SAMD12: variants seen among roughly 807,000 people sequenced by gnomAD.
SAMD12 encodes sterile alpha motif domain containing 12.
SAMD12 carries 9 observed loss-of-function variants against 15.0 expected under a neutral mutation model. That is an observed-to-expected ratio of 0.60 (90% CI 0.36 to 1.05). The LOEUF is 1.05. Ranked by LOEUF, SAMD12 falls within the 50% of genes least tolerant of loss-of-function variation. SAMD12 has a pLI of 0.01. For missense variants in SAMD12, 230 were observed against 234.2 expected (o/e 0.98, Z 0.12); for synonymous variants, 86 against 90.1 (o/e 0.96, Z 0.25).
At chr8:118,461,130 C>G (rs1823408807) in intron 2 of SAMD12, among the ~76,000 whole-genome samples, 1 of 152,180 alleles carries the variant, frequency 6.6e-6, no homozygotes, top group Non-Finnish European at 1.5e-5. Flanking sequence ...TTCTTGGTAA[C>G]ATTCTCCAAT....
intron 4 of SAMD12, among the ~76,000 whole-genome samples, chr8:118,222,651 G>A (rs1218254833): frequency 3.3e-5 from 5 of 152,072 alleles, no homozygotes; most frequent in African/African-American, 1.2e-4. Context: ...GATTACAGGT[G>A]TGTGCCATCA....
intron 2 of SAMD12, among the ~76,000 whole-genome samples, chr8:118,542,284 C>A (rs550653934): frequency 6.6e-6 from 1 of 152,152 alleles, no homozygotes; most frequent in South Asian, 2.1e-4. Flanking sequence ...ATAACTAGAT[C>A]CTCTTATTCT....
chr8:118,551,789 T>C (rs1731883382), intron 2 of SAMD12, among the ~76,000 whole-genome samples: 1 of 149,352 alleles, frequency 6.7e-6, no homozygotes, highest in African/African-American at 2.5e-5. Context: ...GCAAGACTAA[T>C]AAAGAAAAAA....
intron 4 of SAMD12, among the ~76,000 whole-genome samples, chr8:118,302,224 T>C (rs1815084397): frequency 6.6e-6 from 1 of 152,036 alleles, no homozygotes; most frequent in African/African-American, 2.4e-5. Context: ...CCCCCTCACC[T>C]TCAGTTGTTC....
intron 3 of SAMD12, among the ~76,000 whole-genome samples, chr8:118,411,686 C>G (rs1489047035): frequency 2.0e-5 from 3 of 152,106 alleles, no homozygotes; most frequent in Non-Finnish European, 4.4e-5. Context: ...GGAAAATCCA[C>G]TAAGTTTTAA....
intron 4 of SAMD12, among the ~76,000 whole-genome samples, chr8:118,292,497 A>AT (rs1394116699): frequency 6.6e-6 from 1 of 152,082 alleles, no homozygotes; most frequent in Admixed American, 6.6e-5. Context: ...TTTAGTCTTC[A>AT]TTCCATTATC....
At chr8:118,196,094 C>T (rs1189357342) in exon 5 of SAMD12, 3 of 152,266 alleles carry the variant, frequency 2.0e-5, no homozygotes, top group Non-Finnish European at 1.5e-5. Context: ...AGTCATCCTG[C>T]TGCTGACTCA....
exon 5 of SAMD12, chr8:118,190,909 T>G (rs542370356): frequency 1.3e-5 from 2 of 152,288 alleles, no homozygotes; most frequent in East Asian, 3.9e-4. Flanking sequence ...TAAGAATAAC[T>G]CAAGTATATA....
At chr8:118,235,596 A>G (rs113574069) in intron 4 of SAMD12, among the ~76,000 whole-genome samples, 1 of 152,176 alleles carries the variant, frequency 6.6e-6, no homozygotes, top group African/African-American at 2.4e-5. Flanking sequence ...ATCTTACTAC[A>G]AAGTGAAAGA....
At chr8:118,551,953 T>C (rs1010331022) in intron 2 of SAMD12, among the ~76,000 whole-genome samples, 2 of 151,158 alleles carry the variant, frequency 1.3e-5, no homozygotes, top group Non-Finnish European at 3.0e-5. Flanking sequence ...CCTCGACACA[T>C]ACACTCTCCC....
intron 1 of SAMD12, among the ~76,000 whole-genome samples, chr8:118,585,983 A>G (rs760208616): frequency 2.7e-4 from 41 of 152,132 alleles, no homozygotes; most frequent in Non-Finnish European, 4.6e-4. Context: ...ATCTCCACCC[A>G]CACCACTCTC....
chr8:118,171,728 A>AT, the SAMD12 span, among the ~76,000 whole-genome samples: 6,192 of 136,134 alleles, frequency 0.045, 188 homozygotes, highest in Middle Eastern at 0.069. Flanking sequence ...TGGGTACAGG[A>AT]TTTTTTTTTT....
At chr8:118,264,214 G>A (rs1160562060) in intron 4 of SAMD12, among the ~76,000 whole-genome samples, 1 of 151,972 alleles carries the variant, frequency 6.6e-6, no homozygotes, top group Admixed American at 6.6e-5. Flanking sequence ...CCCTCTGAAT[G>A]TGTTTATGTA....
intron 2 of SAMD12, among the ~76,000 whole-genome samples, chr8:118,575,616 A>G (rs1827128090): frequency 1.3e-5 from 2 of 152,170 alleles, no homozygotes; most frequent in Admixed American, 6.5e-5. Flanking sequence ...ATGGGGATAC[A>G]TTTTTATAAA....
chr8:118,187,134 G>A (rs575073004), downstream of SAMD12, among the ~76,000 whole-genome samples: 6 of 152,200 alleles, frequency 3.9e-5, no homozygotes, highest in South Asian at 2.1e-4. Context: ...TCAACTTCTC[G>A]TGAGAAAGGG....
intron 2 of SAMD12, among the ~76,000 whole-genome samples, chr8:118,473,151 C>T (rs960004602): frequency 6.6e-6 from 1 of 152,264 alleles, no homozygotes; most frequent in Admixed American, 6.5e-5. Flanking sequence ...AGTGGCTCCT[C>T]CCTCCAGCTT....
chr8:118,351,228 C>T (rs1025624172), intron 4 of SAMD12, among the ~76,000 whole-genome samples: 4 of 152,120 alleles, frequency 2.6e-5, no homozygotes, highest in South Asian at 2.1e-4. Flanking sequence ...ATTGACACCT[C>T]GTAAAATGGT....
intron 4 of SAMD12, among the ~76,000 whole-genome samples, chr8:118,283,816 A>G (rs1276061709): frequency 6.6e-6 from 1 of 152,310 alleles, no homozygotes; most frequent in Middle Eastern, 3.4e-3. Context: ...TATGGGATTA[A>G]ACAGGGGAAC....
chr8:118,241,625 T>C (rs1338561864), intron 4 of SAMD12, among the ~76,000 whole-genome samples: 1 of 152,128 alleles, frequency 6.6e-6, no homozygotes, highest in Non-Finnish European at 1.5e-5. Flanking sequence ...TGCCTGTTTG[T>C]TGTGGCGTGG....
Sources: allele counts gnomAD v4.1 joint callset (sites outside exome capture counted in the v4.1 genomes callset), GRCh38; gene constraint gnomAD v4.1.1; transcripts MANE v1.5; gene names NCBI Gene and HGNC (gene_info 2026-07-23, HGNC 2026-07-21).